PACRG: variants seen among roughly 807,000 people sequenced by gnomAD.
PACRG encodes the protein parkin coregulated gene protein.
Under a neutral mutation model 29.7 loss-of-function variants are expected in PACRG, and 29 were observed. The ratio of observed to expected loss-of-function variants is 0.98; its 90% CI spans 0.73 to 1.33. PACRG has a LOEUF of 1.33. PACRG is among the 40% of genes most tolerant of loss of function. PACRG has a pLI of 0.00. For missense variants in PACRG, 279 were observed against 316.2 expected, an observed-to-expected ratio of 0.88 and a Z score of 0.89; for synonymous variants, 116 against 118.7, an observed-to-expected ratio of 0.98 and a Z score of 0.15.
intron 2 of PACRG, among the ~76,000 whole-genome samples, chr6:162,849,165 C>T (rs916865778): frequency 6.6e-6 from 1 of 152,130 alleles, no homozygotes; most frequent in Non-Finnish European, 1.5e-5. Flanking sequence ...CAATTTAGTA[C>T]ATTGGCGTGC....
intron 2 of PACRG, among the ~76,000 whole-genome samples, chr6:162,986,692 A>C (rs1802920202): frequency 6.6e-6 from 1 of 152,204 alleles, no homozygotes; most frequent in South Asian, 2.1e-4. Flanking sequence ...AAATGCAACA[A>C]AAATATGATA....
At chr6:162,882,614 G>A (rs1258652445) in intron 2 of PACRG, among the ~76,000 whole-genome samples, 1 of 152,142 alleles carries the variant, frequency 6.6e-6, no homozygotes, top group African/African-American at 2.4e-5. Context: ...CACCTCCTGG[G>A]TATGGACCCT....
At chr6:163,116,531 G>A (rs578027937) in intron 4 of PACRG, among the ~76,000 whole-genome samples, 1 of 152,334 alleles carries the variant, frequency 6.6e-6, no homozygotes, top group East Asian at 1.9e-4. Context: ...ACAACAGTGT[G>A]TGCAGAGCGC....
intron 4 of PACRG, among the ~76,000 whole-genome samples, chr6:163,153,390 T>A (rs955721504): frequency 2.0e-5 from 3 of 152,208 alleles, no homozygotes; most frequent in African/African-American, 7.2e-5. Context: ...GAAATTCAAC[T>A]GGGGAGATTT....
chr6:163,293,455 A>G (rs917020869), intron 4 of PACRG, among the ~76,000 whole-genome samples: 4 of 152,246 alleles, frequency 2.6e-5, no homozygotes, highest in Non-Finnish European at 5.9e-5. Flanking sequence ...CTTATTTCTA[A>G]GTAATCAAAG....
At chr6:163,230,251 A>G (rs6922754) in intron 4 of PACRG, among the ~76,000 whole-genome samples, 86,111 of 152,088 alleles carry the variant, frequency 0.57, 25,069 homozygotes, top group African/African-American at 0.7. Flanking sequence ...TAATCTCTTC[A>G]TTGTAGCACA....
At chr6:162,982,342 T>G (rs568637685) in intron 2 of PACRG, among the ~76,000 whole-genome samples, 1 of 152,098 alleles carries the variant, frequency 6.6e-6, no homozygotes, top group Admixed American at 6.6e-5. Context: ...TTCTGCTGGG[T>G]TTGGGTTTGG....
intron 4 of PACRG, among the ~76,000 whole-genome samples, chr6:163,154,683 T>G (rs1198696639): frequency 6.6e-6 from 1 of 152,172 alleles, no homozygotes; most frequent in Non-Finnish European, 1.5e-5. Flanking sequence ...AAGAAATAAT[T>G]TTTTTAAATA....
intron 1 of PACRG, among the ~76,000 whole-genome samples, chr6:162,787,490 A>G (rs1011997117): frequency 6.8e-6 from 1 of 147,902 alleles, no homozygotes; most frequent in Non-Finnish European, 1.5e-5. Flanking sequence ...TGTATATGGT[A>G]TATATATGTA....
At chr6:163,289,106 C>T (rs1285750988) in intron 4 of PACRG, among the ~76,000 whole-genome samples, 1 of 152,168 alleles carries the variant, frequency 6.6e-6, no homozygotes, top group African/African-American at 2.4e-5. Context: ...CGCTGGAAAC[C>T]ACACCAACAA....
chr6:163,267,178 G>A (rs188007080), intron 4 of PACRG, among the ~76,000 whole-genome samples: 2 of 152,232 alleles, frequency 1.3e-5, no homozygotes, highest in Admixed American at 6.5e-5. Flanking sequence ...TTGGTGCTGG[G>A]TAGGCAGAAC....
intron 4 of PACRG, among the ~76,000 whole-genome samples, chr6:163,141,232 G>C (rs1227994112): frequency 6.6e-6 from 1 of 151,976 alleles, no homozygotes; most frequent in Admixed American, 6.6e-5. Context: ...TCACCCAAGA[G>C]GGAAGGTAAA....
At chr6:162,987,480 T>A (rs574548389) in intron 2 of PACRG, among the ~76,000 whole-genome samples, 78 of 152,098 alleles carry the variant, frequency 5.1e-4, no homozygotes, top group African/African-American at 1.8e-3. Context: ...ATCACGGGGG[T>A]GGGTTTTTCC....
At chr6:162,928,607 A>T (rs1015684988) in intron 2 of PACRG, among the ~76,000 whole-genome samples, 1 of 152,016 alleles carries the variant, frequency 6.6e-6, no homozygotes, top group Admixed American at 6.6e-5. Context: ...TCTTTTCTTT[A>T]TGCTAGAAAG....
At chr6:162,874,139 T>TAAAAAA (rs56159049) in intron 2 of PACRG, among the ~76,000 whole-genome samples, 296 of 133,438 alleles carry the variant, frequency 2.2e-3, no homozygotes, top group Middle Eastern at 7.9e-3. Flanking sequence ...ATGAGGGAGT[T>TAAAAAA]AAAAAAAAAA....
chr6:163,021,654 C>G (rs1806634012), intron 2 of PACRG, among the ~76,000 whole-genome samples: 1 of 152,164 alleles, frequency 6.6e-6, no homozygotes, highest in Non-Finnish European at 1.5e-5. Flanking sequence ...TCCTGACAGC[C>G]TCCCTCCTGA....
chr6:163,041,970 A>G (rs1284973838), intron 2 of PACRG, among the ~76,000 whole-genome samples: 2 of 152,298 alleles, frequency 1.3e-5, no homozygotes, highest in African/African-American at 4.8e-5. Flanking sequence ...GGTTCAAGCG[A>G]TTCTCCTGCC....
intron 4 of PACRG, among the ~76,000 whole-genome samples, chr6:163,269,975 GAAA>G (rs1783752937): frequency 3.8e-5 from 3 of 79,934 alleles, no homozygotes; most frequent in Non-Finnish European, 7.6e-5. Context: ...AAGAAAGAAA[GAAA>G]GAAAGAAAGA....
intron 4 of PACRG, among the ~76,000 whole-genome samples, chr6:163,258,529 G>A (rs567118691): frequency 3.9e-5 from 6 of 152,104 alleles, no homozygotes; most frequent in Admixed American, 6.5e-5. Flanking sequence ...AGGCCGAGAC[G>A]AGCAGATCAC....
Sources: allele counts gnomAD v4.1 joint callset (sites outside exome capture counted in the v4.1 genomes callset), GRCh38; gene constraint gnomAD v4.1.1; transcripts MANE v1.5; gene names NCBI Gene and HGNC (gene_info 2026-07-23, HGNC 2026-07-21).